The following CD8B variants were observed in gnomAD, a reference collection of about 807,000 sequenced individuals.
CD8B encodes T-cell surface glycoprotein CD8 beta chain.
CD8B carries 6 observed loss-of-function variants against 24.2 expected under a neutral mutation model. The observed-to-expected ratio is 0.25, with a 90% confidence interval of 0.14 to 0.49. CD8B has a LOEUF of 0.49. Ranked by LOEUF, CD8B falls within the 20% of genes least tolerant of loss-of-function variation. CD8B has a pLI of 0.98. For synonymous variants in CD8B, 84 were observed against 108.3 expected, an observed-to-expected ratio of 0.78 and a Z score of 1.39; for missense variants, 196 against 271.3, an observed-to-expected ratio of 0.72 and a Z score of 1.95.
chr2:86,835,856 A>T (rs1402097157), downstream of CD8B, among the ~76,000 whole-genome samples: 15 of 151,508 alleles, frequency 9.9e-5, no homozygotes, highest in Non-Finnish European at 7.4e-5. Context: ...CGGGGCTGGC[A>T]TGAGGCTGCA....
At position 86,841,110 on chromosome 2, in the gene CD8B, G is replaced by A. The variant is rs529771617; in HGVS notation, c.*1197C>T. Among the ~76,000 whole-genome samples the A allele has an allele frequency of 9.1e-4, 137 of 149,832 alleles. 3 individuals are homozygous for A. Among genetic ancestry groups the A allele is most frequent in the East Asian group, 1.2e-3 (6 of 5,112 alleles). On this transcript the variant is annotated 3_prime_UTR_variant, in exon 6 of 6. Coordinates refer to ENST00000390655, the MANE Select transcript of CD8B (RefSeq NM_004931.5). ...AGGCTGCTAAAGCTCAGGTAGGGGC[G>A]GCTAAGATGGGTCTCAGGCACTTTT...
intron 5 of CD8B, among the ~76,000 whole-genome samples, chr2:86,825,011 G>A (rs1027287546): frequency 2.0e-5 from 3 of 152,292 alleles, no homozygotes; most frequent in Admixed American, 2.0e-4. Context: ...TATTTCCTGA[G>A]GATGGATCTC....
chr2:86,823,810 G>A (rs1321911633), intron 5 of CD8B, among the ~76,000 whole-genome samples: 1 of 152,138 alleles, frequency 6.6e-6, no homozygotes, highest in Non-Finnish European at 1.5e-5. Context: ...AAGAAAGAAT[G>A]ACGGAGAGTG....
intron 5 of CD8B, among the ~76,000 whole-genome samples, chr2:86,825,408 A>C (rs1674638988): frequency 1.3e-5 from 2 of 152,174 alleles, no homozygotes; most frequent in Admixed American, 6.5e-5. Flanking sequence ...TCCTTGGGAA[A>C]GAGTCCAGGC....
intron 2 of CD8B, among the ~76,000 whole-genome samples, chr2:86,854,996 C>A (rs1352157266): frequency 6.6e-6 from 1 of 151,990 alleles, no homozygotes; most frequent in Non-Finnish European, 1.5e-5. Context: ...TGGCACGTGC[C>A]TGTAATCCCA....
intron 3 of CD8B, among the ~76,000 whole-genome samples, chr2:86,849,169 C>A (rs1675848509): frequency 6.6e-6 from 1 of 152,294 alleles, no homozygotes; most frequent in Non-Finnish European, 1.5e-5. Flanking sequence ...CTGTGGGTCC[C>A]ACCTCAGCTG....
At chr2:86,818,891 T>C (rs11893045) in intron 5 of CD8B, among the ~76,000 whole-genome samples, 13,807 of 152,140 alleles carry the variant, frequency 0.091, 1,956 homozygotes, top group African/African-American at 0.3. Flanking sequence ...GTTGAGAAGG[T>C]AGAGAAAAAG....
In CD8B at chr2:86,858,250, C is replaced by T. The variant is rs753332620; in HGVS notation, c.210G>A (p.Leu70=). The T allele has an allele frequency of 5.6e-6, 9 of 1,614,010 alleles. No homozygotes were observed. In the South Asian group the frequency reaches 9.9e-5, roughly 18 times the overall value. Residue 70 remains leucine (L), a synonymous_variant, in exon 2 of 6, where the codon CTG becomes CTA. Coordinates refer to ENST00000390655, the MANE Select transcript of CD8B (RefSeq NM_004931.5). ...TCCCTTTTGCGGAATCCCAGAGGGCCAGGAACTCGTGGTGACTGTCACTGC... is the reference window on the plus strand; with the variant it reads ...TCCCTTTTGCGGAATCCCAGAGGGCTAGGAACTCGTGGTGACTGTCACTGC... ...APSSDSHHEF[L]ALWDSAKGTI... is the part of the protein sequence containing the mutation.
downstream of CD8B, among the ~76,000 whole-genome samples, chr2:86,834,208 G>T (rs1327883365): frequency 6.6e-6 from 1 of 152,058 alleles, no homozygotes; most frequent in African/African-American, 2.4e-5. Context: ...GTGCCCACCT[G>T]TTTTCCACAA....
downstream of CD8B, among the ~76,000 whole-genome samples, chr2:86,834,858 C>A (rs563952208): frequency 1.2e-4 from 18 of 151,132 alleles, no homozygotes; most frequent in East Asian, 2.7e-3. Context: ...ATCGCTTGAA[C>A]CCGGGAGGCG....
In CD8B at chr2:86,841,795, C is replaced by T. The variant is rs558165691; in HGVS notation, c.*512G>A. On this transcript the variant is annotated 3_prime_UTR_variant, in exon 6 of 6. Transcript: ENST00000390655. ...AAGCCCTCAGAGACTGATATGCCTT[C>T]TGGGAACTGGACAGCCCCTCTCAGC... 10 of 985,772 alleles carry T rather than the reference C, an allele frequency of 1.0e-5. No homozygotes were observed. In the South Asian group the frequency reaches 3.8e-4, roughly 37 times the overall value. 61.1% of individuals were successfully genotyped at this position (985,772 alleles called of 1,614,324 possible).
At chr2:86,846,283 G>T (rs1162402524) in intron 4 of CD8B, among the ~76,000 whole-genome samples, 3 of 152,142 alleles carry the variant, frequency 2.0e-5, no homozygotes, top group African/African-American at 7.2e-5. Flanking sequence ...AACTTTTCTG[G>T]ACACTGGGCT....
chr2:86,844,738 G>C (rs1675590497), intron 5 of CD8B, 184 bp downstream of exon 5: 17 of 1,527,954 alleles, frequency 1.1e-5, no homozygotes, highest in African/African-American at 4.1e-5. Flanking sequence ...GAACTCCTGG[G>C]CTCAAGTGAT....
rs752375575 is a variant in CD8B, at chr2:86,858,345, G to C, written c.115C>G (p.Leu39Val). 6.2e-7 allele frequency: 1 copy of C among 1,613,874 alleles called. No individual in the cohort carries two copies. Among genetic ancestry groups the C allele is most frequent in the Admixed American group, 1.7e-5 (1 of 60,010 alleles). ...AGGGAGATTTTAGCCTCGCAGGACA[G>C]CATCACCATCTTGTTGGTTTGCACC... ...IKVQTNKMVM[L>V]SCEAKISLSN... The change falls in exon 2 of 6, where the codon CTG becomes GTG. Residue 39 changes from leucine to valine, a missense_variant. Transcript: ENST00000390655.
chr2:86,833,195 C>CTT (rs878931885), downstream of CD8B, among the ~76,000 whole-genome samples: 17 of 138,076 alleles, frequency 1.2e-4, no homozygotes, highest in Admixed American at 3.8e-4. Context: ...GTTAATCTGT[C>CTT]TTTTTTTTTT....
In CD8B at chr2:86,824,855, G is replaced by A. The variant is rs138762816; in HGVS notation, c.621-9137C>T. On this transcript the variant is annotated intron_variant, in intron 5 of 5. Transcript: ENST00000331469. ...CGCTTCCAGAATCTTTAGAACCACC[G>A]TTTTTAAGGTTTGAATACTTGTATA... Among the ~76,000 whole-genome samples the A allele has an allele frequency of 3.9e-5, 6 of 152,260 alleles. No individual in the cohort carries two copies. The East Asian group carries it at 5.8e-4, about 15-fold the overall frequency.
chr2:86,821,079 T>G (rs953969492), intron 5 of CD8B, among the ~76,000 whole-genome samples: 2 of 152,016 alleles, frequency 1.3e-5, no homozygotes, highest in Non-Finnish European at 2.9e-5. Flanking sequence ...CCACAGGCGG[T>G]GTAGCTGGCT....
chr2:86,818,005 T>C (rs1674322108), intron 5 of CD8B, among the ~76,000 whole-genome samples: 2 of 152,070 alleles, frequency 1.3e-5, no homozygotes, highest in African/African-American at 4.8e-5. Context: ...AGTTCAGGAG[T>C]TCGAGACCAG....
intron 5 of CD8B, among the ~76,000 whole-genome samples, chr2:86,826,448 A>G (rs1024823718): frequency 6.6e-6 from 1 of 152,166 alleles, no homozygotes; most frequent in Non-Finnish European, 1.5e-5. Context: ...CGATTCTGAC[A>G]ATGTAGAAAG....
Sources: allele counts gnomAD v4.1 joint callset (sites outside exome capture counted in the v4.1 genomes callset), GRCh38; gene constraint gnomAD v4.1.1; transcripts MANE v1.5; gene names NCBI Gene and HGNC (gene_info 2026-07-23, HGNC 2026-07-21).